The following DNAAF2 variants were observed in gnomAD, a reference collection of about 807,000 sequenced individuals.
DNAAF2 encodes the protein dynein axonemal assembly factor 2.
DNAAF2 carries 58 observed loss-of-function variants against 48.8 expected under a neutral mutation model. The observed-to-expected ratio is 1.19, with a 90% CI of 0.96 to 1.48. The LOEUF is 1.48. DNAAF2 is among the 40% of genes most tolerant of loss of function. The pLI is 0.00. For missense variants in DNAAF2, 1,241 were observed against 1,116.1 expected, an observed-to-expected ratio of 1.11 and a Z score of -1.59; for synonymous variants, 567 against 481.2, an observed-to-expected ratio of 1.18 and a Z score of -2.33.
rs1406174147 is a variant in DNAAF2 at position 49,634,028 on chromosome 14, T to C, written c.1122A>G (p.Gly374=). ...CGGAAGCGCAGGCCTGGCCGTCAGT[T>C]CCGGACCGGTCCGCGGACTCTTCCG... ...AAPEESADRS[G]TDGQACASAR... The change falls in exon 1 of 3, where the codon GGA becomes GGG. Residue 374 remains glycine, a synonymous_variant. Transcript: ENST00000298292. 6.3e-5 allele frequency: 96 copies of C among 1,519,996 alleles called. No homozygotes were observed. The highest frequency in any genetic ancestry group is 8.2e-5 in the Non-Finnish European group (94 of 1,139,402). The allele number at this position is 1,519,996 out of a possible 1,614,324, so 94.2% of individuals were successfully genotyped here. A position where few individuals can be genotyped will look rare whatever the true frequency, so the allele number is the denominator to read the frequency against.
At chr14:49,626,575 T>C (rs1332360540) in intron 2 of DNAAF2, among the ~76,000 whole-genome samples, 1 of 152,004 alleles carries the variant, frequency 6.6e-6, no homozygotes, top group Non-Finnish European at 1.5e-5. Flanking sequence ...TGGCACAATC[T>C]CAGCTGACTA....
chr14:49,633,957 C>G lies in DNAAF2; in HGVS notation c.1193G>C (p.Gly398Ala). 1 of 1,528,638 alleles carries G rather than the reference C, an allele frequency of 6.5e-7. No homozygotes were observed. The allele number at this position is 1,528,638 out of a possible 1,614,324, so 94.7% of individuals were successfully genotyped here. A position where few individuals can be genotyped will look rare whatever the true frequency, so the allele number is the denominator to read the frequency against. Residue 398 changes from glycine (G) to alanine (A), a missense_variant, in exon 1 of 3, where the codon GGA (glycine) becomes GCA (alanine). Coordinates refer to ENST00000298292, the MANE Select transcript of DNAAF2 (RefSeq NM_018139.3). ...AGPARSRAED[G>A]GHDTCVAGAA... ...CCCAGCCACGCAGGTATCGTGGCCTCCGTCCTCCGCGCGACTCCTCGCGGG... is the reference window on the plus strand; with the variant it reads ...CCCAGCCACGCAGGTATCGTGGCCTGCGTCCTCCGCGCGACTCCTCGCGGG...
chr14:49,632,441 ATT>A (rs1883185633), intron 1 of DNAAF2, among the ~76,000 whole-genome samples: 1 of 110,352 alleles, frequency 9.1e-6, no homozygotes, highest in Admixed American at 1.0e-4. Flanking sequence ...CTAATACTTA[ATT>A]TTTCTTTTTT....
At position 49,634,625 on chromosome 14, in the gene DNAAF2, C is replaced by T; in HGVS notation, c.525G>A (p.Gln175=). 6.2e-7 allele frequency: 1 copy of T among 1,607,140 alleles called. No homozygotes were observed. Among genetic ancestry groups the T allele is most frequent in the Non-Finnish European group, 8.5e-7 (1 of 1,179,716 alleles). The change falls in exon 1 of 3, where the codon CAG becomes CAA. Residue 175 remains glutamine (Q), a synonymous_variant. Coordinates refer to ENST00000298292, the MANE Select transcript of DNAAF2 (RefSeq NM_018139.3). ...TCCTGCGGTCCAGCTTCACGCCGAA[C>T]TGCTTCTCGACGGCCTCCAGGGCCG... ...DATALEAVEK[Q]FGVKLDRRNA... is the part of the protein sequence containing the mutation.
chr14:49,634,858 C>A lies in DNAAF2; in HGVS notation c.292G>T (p.Val98Leu). Residue 98 changes from valine to leucine, a missense_variant, in exon 1 of 3, where the codon GTG (valine) becomes TTG (leucine). Val to Leu is a conservative substitution (Grantham distance 32). Transcript: ENST00000298292. ...CCGGGCCGGCTGCTGGGCGCGCCCA[C>A]CAACGCGTTGCTGCAGACATTCACA... ...CFVNVCSNAL[V>L]GAPSSRPGSG... 1 of 1,547,118 alleles carries A rather than the reference C, an allele frequency of 6.5e-7. No individual in the cohort carries two copies. The highest frequency in any genetic ancestry group is 8.7e-7 in the Non-Finnish European group (1 of 1,145,850).
chr14:49,627,175 C>T (rs191700669), intron 2 of DNAAF2, among the ~76,000 whole-genome samples: 1 of 152,268 alleles, frequency 6.6e-6, no homozygotes, highest in East Asian at 1.9e-4. Flanking sequence ...CAACAATAAT[C>T]CATACTTTTC....
chr14:49,634,930 G>T lies in DNAAF2; in HGVS notation c.220C>A (p.Pro74Thr). The T allele has an allele frequency of 6.4e-7, 1 of 1,554,442 alleles. No individual in the cohort carries two copies. The highest frequency in any genetic ancestry group is 8.7e-7 in the Non-Finnish European group (1 of 1,148,978). ...GVEVRFVHPEPGHVLRTSLDG... is the reference protein window; with the variant it reads ...GVEVRFVHPETGHVLRTSLDG... ...AGGCTGGTGCGCAGCACATGGCCGG[G>T]CTCCGGGTGCACGAACCGCACTTCC... Residue 74 changes from proline (P) to threonine (T), a missense_variant, in exon 1 of 3, where the codon CCC (proline) becomes ACC (threonine). Coordinates refer to ENST00000298292, the MANE Select transcript of DNAAF2 (RefSeq NM_018139.3).
intron 1 of DNAAF2, among the ~76,000 whole-genome samples, chr14:49,631,294 C>T (rs1318132109): frequency 6.6e-6 from 1 of 151,974 alleles, no homozygotes; most frequent in East Asian, 1.9e-4. Context: ...TTTAGTTATC[C>T]GAAGGAATAT....
At position 49,633,611 on chromosome 14, in the gene DNAAF2, G is replaced by A. The variant is rs372921852; in HGVS notation, c.1539C>T (p.Pro513=). 9 of 1,613,564 alleles carry A rather than the reference G, an allele frequency of 5.6e-6. No homozygotes were observed. The African/African-American group carries it at 8.0e-5, about 14-fold the overall frequency. The change falls in exon 1 of 3, where the codon CCC becomes CCT. Residue 513 remains proline, a synonymous_variant. Transcript: ENST00000298292. The part of the protein sequence containing the change: ...GQRSACAMGG[P]GTKSGEPLCP... Reference sequence around the variant, plus strand: ...ACAAAGGCTCCCCGCTCTTGGTCCCGGGACCACCCATGGCGCAGGCTGAGC... The same window carrying A: ...ACAAAGGCTCCCCGCTCTTGGTCCCAGGACCACCCATGGCGCAGGCTGAGC...
Position 49,634,073 on chromosome 14 carries a change from G to A in DNAAF2, c.1077C>T (p.Val359=). The A allele has an allele frequency of 6.5e-7, 1 of 1,534,312 alleles. No individual in the cohort carries two copies. Among genetic ancestry groups the A allele is most frequent in the Admixed American group, 2.0e-5 (1 of 49,388 alleles). Reference sequence around the variant, plus strand: ...CTTCCGGCGCGGCGGCGGCGACGGCGACAGCGGGCTCCCGGCGCGCGGCCG... The same window carrying A: ...CTTCCGGCGCGGCGGCGGCGACGGCAACAGCGGGCTCCCGGCGCGCGGCCG... ...VLPAARREPA[V]AVAAAAPEES... is the part of the protein sequence containing the mutation. The change falls in exon 1 of 3, where the codon GTC becomes GTT. Residue 359 remains valine, a synonymous_variant. Transcript: ENST00000298292.
At chr14:49,626,966 C>T (rs560432967) in intron 2 of DNAAF2, among the ~76,000 whole-genome samples, 92 of 151,926 alleles carry the variant, frequency 6.1e-4, no homozygotes, top group Non-Finnish European at 1.0e-3. Context: ...CCATGACGCC[C>T]GGCTAATTTT....
chr14:49,625,744 T>C lies in DNAAF2; in HGVS notation c.2312A>G (p.Asn771Ser). The C allele has an allele frequency of 6.2e-7, 1 of 1,612,972 alleles. No homozygotes were observed. The highest frequency in any genetic ancestry group is 8.5e-7 in the Non-Finnish European group (1 of 1,179,582). ...TTTCTCTTCAGTTATTACTGACTCG[T>C]TTAAGTTATCTTTTTCCTCATTTGA... ...TCSNEEKDNL[N>S]ESVITEEKET... Residue 771 changes from asparagine (N) to serine (S), a missense_variant, in exon 3 of 3, where the codon AAC becomes AGC. Physicochemically the swap from Asn to Ser is conservative, Grantham distance 46. Coordinates refer to ENST00000298292, the MANE Select transcript of DNAAF2 (RefSeq NM_018139.3).
chr14:49,633,463 C>A lies in DNAAF2; in HGVS notation c.1687G>T (p.Ala563Ser), dbSNP rs138511448. The A allele has an allele frequency of 1.2e-4, 192 of 1,614,036 alleles. 2 individuals are homozygous for A. The East Asian group carries it at 3.3e-3, about 28-fold the overall frequency. Residue 563 changes from alanine (A) to serine (S), a missense_variant, in exon 1 of 3, where the codon GCA becomes TCA. By Grantham distance (99) the Ala-to-Ser change is moderately conservative (BLOSUM62 1). Coordinates refer to ENST00000298292, the MANE Select transcript of DNAAF2 (RefSeq NM_018139.3). ...AAGAAGGAATAAACTAAGTCTTGTGCGGAGAAGCGTAATTTGTACCAGAGG... is the reference window on the plus strand; with the variant it reads ...AAGAAGGAATAAACTAAGTCTTGTGAGGAGAAGCGTAATTTGTACCAGAGG... ...NPLWYKLRFS[A>S]QDLVYSFFLQ... is the part of the protein sequence containing the mutation.
Position 49,628,162 on chromosome 14 carries a change from TAA to T in DNAAF2, c.1864-9_1864-8del, listed in dbSNP as rs755892796. On this transcript the variant is annotated splice_region_variant and splice_polypyrimidine_tract_variant and intron_variant, in intron 1 of 2. Transcript: ENST00000298292. ...CATTGACAAATAACCTTTCCTAAAA[TAA>T]AAAGGGAAAAAATATTCTGCCTAAT... 7.7e-6 allele frequency: 12 copies of T among 1,566,610 alleles called. No homozygotes were observed. The Admixed American group carries it at 2.1e-4, about 28-fold the overall frequency.
Position 49,635,194 on chromosome 14 carries a change from G to A in DNAAF2, c.-45C>T, listed in dbSNP as rs1883315012. ...CCCTCGGGCCAAAGGCGATCAGTCT[G>A]ACACTGGGTTGGGGGATCCGCCTCA... On this transcript the variant is annotated 5_prime_UTR_variant, in exon 1 of 3. Coordinates refer to ENST00000298292, the MANE Select transcript of DNAAF2 (RefSeq NM_018139.3). 6.5e-7 allele frequency: 1 copy of A among 1,537,834 alleles called. No individual in the cohort carries two copies. Among genetic ancestry groups the A allele is most frequent in the Non-Finnish European group, 8.8e-7 (1 of 1,137,032 alleles).
chr14:49,626,329 AAC>A (rs1883005857), intron 2 of DNAAF2, among the ~76,000 whole-genome samples: 1 of 152,014 alleles, frequency 6.6e-6, no homozygotes, highest in Non-Finnish European at 1.5e-5. Context: ...CTCTACTAAA[AAC>A]ACAAAAATTA....
rs759493468 is a variant in DNAAF2 at position 49,634,532 on chromosome 14, G to T, written c.618C>A (p.Pro206=). 1.1e-5 allele frequency: 17 copies of T among 1,602,078 alleles called. No individual in the cohort carries two copies. Among genetic ancestry groups the T allele is most frequent in the Non-Finnish European group, 1.4e-5 (16 of 1,179,558 alleles). ...CGTCAGGCCTTGCGGGGATGACCCC[G>T]GGCAGGGGCGTGCGCAGCACCGCAG... ...PEAAVLRTPL[P]GVIPARPDGE... The change falls in exon 1 of 3, where the codon CCC becomes CCA. Residue 206 remains proline, a synonymous_variant. Coordinates refer to ENST00000298292, the MANE Select transcript of DNAAF2 (RefSeq NM_018139.3).
intron 2 of DNAAF2, among the ~76,000 whole-genome samples, chr14:49,627,138 C>T (rs963323262): frequency 1.5e-4 from 23 of 152,112 alleles, no homozygotes; most frequent in African/African-American, 5.6e-4. Flanking sequence ...GTAAACCTGG[C>T]ACTAATATCC....
rs746148180 is a variant in DNAAF2 at position 49,625,879 on chromosome 14, G to T, written c.2177C>A (p.Thr726Lys). The change falls in exon 3 of 3, where the codon ACA becomes AAA. Residue 726 changes from threonine to lysine, a missense_variant. Transcript: ENST00000298292. Reference sequence around the variant, plus strand: ...ATCAAGAGACTCTTGTTGAAAGCATGTAACTAAACCAAAGCTATCTATTTG... The same window carrying T: ...ATCAAGAGACTCTTGTTGAAAGCATTTAACTAAACCAAAGCTATCTATTTG... ...ALQIDSFGLV[T>K]CFQQESLDVS... 38 of 1,613,236 alleles carry T rather than the reference G, an allele frequency of 2.4e-5. No individual in the cohort carries two copies. The East Asian group carries it at 8.3e-4, about 35-fold the overall frequency.
Sources: allele counts gnomAD v4.1 joint callset (sites outside exome capture counted in the v4.1 genomes callset), GRCh38; gene constraint gnomAD v4.1.1; transcripts MANE v1.5; gene names NCBI Gene and HGNC (gene_info 2026-07-23, HGNC 2026-07-21).